Variants in FBXO25 observed in about 807,000 individuals in gnomAD.
FBXO25 encodes F-box protein 25.
Under a neutral mutation model 51.9 loss-of-function variants are expected in FBXO25, and 45 were observed. That is an observed-to-expected ratio of 0.87 (90% CI 0.68 to 1.11). FBXO25 has a LOEUF of 1.11. FBXO25 is among the 50% of genes most tolerant of loss of function. The probability of loss-of-function intolerance (pLI) is 0.00; values close to 1 mark genes in which losing one functional copy is unlikely to be tolerated. For missense variants in FBXO25, 507 were observed against 428.5 expected, an observed-to-expected ratio of 1.18 and a Z score of -1.62; for synonymous variants, 199 against 151.0, an observed-to-expected ratio of 1.32 and a Z score of -2.33.
rs1181996442 is a variant in FBXO25, at chr8:469,896, T to C, written c.*1092T>C. On this transcript the variant is annotated 3_prime_UTR_variant, in exon 10 of 10. Coordinates refer to ENST00000350302, the MANE Select transcript of FBXO25 (RefSeq NM_183420.2). ...TATAAATAGGACTAAAAAAAGATTC[T>C]GGATTTTTCAGCCCCACTTCTGTGA... The C allele has an allele frequency of 5.3e-5, 8 of 151,810 alleles. No individual in the cohort carries two copies. The highest frequency in any genetic ancestry group is 5.3e-4 in the Admixed American group (8 of 15,214). 9.4% of individuals were successfully genotyped at this position (151,810 alleles called of 1,614,324 possible). A position where few individuals can be genotyped will look rare whatever the true frequency, so the allele number is the denominator to read the frequency against.
rs1800497833 is a variant in FBXO25, at chr8:471,896, A to G, written c.*3092A>G. 6.6e-6 allele frequency: 1 copy of G among 152,152 alleles called. No individual in the cohort carries two copies. Among genetic ancestry groups the G allele is most frequent in the South Asian group, 2.1e-4 (1 of 4,832 alleles). The allele number at this position is 152,152 out of a possible 1,614,324, so 9.4% of individuals were successfully genotyped here. On this transcript the variant is annotated 3_prime_UTR_variant, in exon 10 of 10. Coordinates refer to ENST00000350302, the MANE Select transcript of FBXO25 (RefSeq NM_183420.2). Reference sequence around the variant, plus strand: ...TCTACTTTATGGAAAAAATTTAACCATCTGTGAACAGTTTTTTGCCTTAAG... The same window carrying G: ...TCTACTTTATGGAAAAAATTTAACCGTCTGTGAACAGTTTTTTGCCTTAAG...
chr8:418,440 A>G (rs1288483986), intron 2 of FBXO25, among the ~76,000 whole-genome samples: 1 of 147,490 alleles, frequency 6.8e-6, no homozygotes, highest in African/African-American at 2.5e-5. Context: ...CCTGGGTTCA[A>G]GCAATTCTCC....
intron 8 of FBXO25, among the ~76,000 whole-genome samples, chr8:461,814 T>C (rs1799834537): frequency 6.6e-6 from 1 of 152,202 alleles, no homozygotes; most frequent in Admixed American, 6.5e-5. Context: ...TACGGCTCCA[T>C]GTTGTAGAAT....
rs1800654561 is a variant in FBXO25, at chr8:476,745, A to G, written c.*7941A>G. ...TCTTAGTCACTCTTAGCTATCAACA[A>G]ACTCTTGGTTTCATTTATTTTTCTC... On this transcript the variant is annotated 3_prime_UTR_variant, in exon 10 of 10. Coordinates refer to ENST00000350302, the MANE Select transcript of FBXO25 (RefSeq NM_183420.2). 2 of 152,182 alleles carry G rather than the reference A, an allele frequency of 1.3e-5. No individual in the cohort carries two copies. Among genetic ancestry groups the G allele is most frequent in the Middle Eastern group, 3.4e-3 (1 of 294 alleles). The allele number at this position is 152,182 out of a possible 1,614,324, so 9.4% of individuals were successfully genotyped here. A position where few individuals can be genotyped will look rare whatever the true frequency, so the allele number is the denominator to read the frequency against.
intron 2 of FBXO25, among the ~76,000 whole-genome samples, chr8:418,475 G>A (rs1796949027): frequency 6.6e-6 from 1 of 150,980 alleles, no homozygotes; most frequent in Admixed American, 6.6e-5. Context: ...GAGTAGCTGG[G>A]ACTACAGGCG....
intron 7 of FBXO25, among the ~76,000 whole-genome samples, chr8:454,048 C>T (rs1316728349): frequency 3.3e-5 from 5 of 152,102 alleles, no homozygotes; most frequent in African/African-American, 4.8e-5. Context: ...TGCTTGAACC[C>T]GGGAGGTGGA....
Position 470,326 on chromosome 8 carries a change from A to G in FBXO25, c.*1522A>G, listed in dbSNP as rs1312900631. On this transcript the variant is annotated 3_prime_UTR_variant, in exon 10 of 10. Coordinates refer to ENST00000350302, the MANE Select transcript of FBXO25 (RefSeq NM_183420.2). ...CAAACATATTTTAAGGCTTTTAAAT[A>G]TATTTCTAGATTGTTCATGAAAAAA... The G allele has an allele frequency of 6.6e-6, 1 of 152,160 alleles. No homozygotes were observed. The highest frequency in any genetic ancestry group is 1.5e-5 in the Non-Finnish European group (1 of 68,044). 9.4% of individuals were successfully genotyped at this position (152,160 alleles called of 1,614,324 possible).
At chr8:422,263 C>T (rs962851286) in intron 2 of FBXO25, among the ~76,000 whole-genome samples, 1 of 152,210 alleles carries the variant, frequency 6.6e-6, no homozygotes, top group African/African-American at 2.4e-5. Flanking sequence ...GCAGCAGGTA[C>T]CTGTGGTGTG....
At chr8:462,882 C>T (rs1004065281) in intron 8 of FBXO25, 125 bp from the exon 9 acceptor site, 22 of 1,125,914 alleles carry the variant, frequency 2.0e-5, no homozygotes, top group Non-Finnish European at 2.6e-5. Flanking sequence ...CCACTTGTAA[C>T]CCTAAAGCTA....
intron 2 of FBXO25, among the ~76,000 whole-genome samples, chr8:423,738 G>T (rs1430776572): frequency 6.6e-6 from 1 of 152,174 alleles, no homozygotes; most frequent in Non-Finnish European, 1.5e-5. Flanking sequence ...ATTGTTAATA[G>T]TGCAGCGATG....
At chr8:452,645 G>A (rs373683356) in intron 7 of FBXO25, among the ~76,000 whole-genome samples, 1 of 152,192 alleles carries the variant, frequency 6.6e-6, no homozygotes, top group Non-Finnish European at 1.5e-5. Flanking sequence ...CCCAAGGAAG[G>A]GGGTGTTTGG....
At chr8:430,221 AT>A (rs1293971132) in intron 2 of FBXO25, among the ~76,000 whole-genome samples, 1 of 152,254 alleles carries the variant, frequency 6.6e-6, no homozygotes, top group Non-Finnish European at 1.5e-5. Flanking sequence ...AAGCTTCTAC[AT>A]TCAGTATTTC....
At chr8:467,750 C>T (rs2116858495) in intron 9 of FBXO25, 1 of 1,613,962 alleles carries the variant, frequency 6.2e-7, no homozygotes, top group Non-Finnish European at 8.5e-7. Context: ...ATTCAAGGTA[C>T]TTCCCTGTCT....
chr8:435,957 G>A (rs1461214822), intron 5 of FBXO25, among the ~76,000 whole-genome samples: 1 of 152,212 alleles, frequency 6.6e-6, no homozygotes, highest in African/African-American at 2.4e-5. Flanking sequence ...TGGCTCTGTG[G>A]TTGCTGAGGA....
intron 9 of FBXO25, among the ~76,000 whole-genome samples, chr8:466,609 G>A (rs1800175563): frequency 1.3e-5 from 2 of 152,172 alleles, no homozygotes; most frequent in Admixed American, 6.5e-5. Context: ...CGACACCATG[G>A]TGCATCTGTC....
chr8:439,311 A>G (rs181081902), intron 5 of FBXO25, among the ~76,000 whole-genome samples: 1 of 152,228 alleles, frequency 6.6e-6, no homozygotes, highest in East Asian at 1.9e-4. Flanking sequence ...TGGGAGGTCC[A>G]TGCAGGGCAG....
At chr8:407,892 C>T (rs575336189) in intron 1 of FBXO25, among the ~76,000 whole-genome samples, 23 of 152,166 alleles carry the variant, frequency 1.5e-4, no homozygotes, top group Non-Finnish European at 2.8e-4. Flanking sequence ...TAGATTCCAC[C>T]TCTGTCCTTG....
At chr8:416,875 C>T (rs920741657) in intron 2 of FBXO25, among the ~76,000 whole-genome samples, 11 of 152,124 alleles carry the variant, frequency 7.2e-5, no homozygotes, top group African/African-American at 9.7e-5. Context: ...AGATGAGTTC[C>T]GCAGTGTAGT....
chr8:455,676 C>T (rs955428897), intron 7 of FBXO25, among the ~76,000 whole-genome samples: 1 of 152,122 alleles, frequency 6.6e-6, no homozygotes, highest in Non-Finnish European at 1.5e-5. Flanking sequence ...CAGTTGCATG[C>T]AATAGCTGAG....
Sources: allele counts gnomAD v4.1 joint callset (sites outside exome capture counted in the v4.1 genomes callset), GRCh38; gene constraint gnomAD v4.1.1; transcripts MANE v1.5; gene names NCBI Gene and HGNC (gene_info 2026-07-23, HGNC 2026-07-21).